The following ATG2B variants were observed in gnomAD, a reference collection of about 807,000 sequenced individuals.
ATG2B encodes autophagy related 2B, also known as autophagy-related protein 2 homolog B.
In ATG2B, 121 loss-of-function variants were observed where a neutral mutation model predicts 241.3. The ratio of observed to expected loss-of-function variants is 0.50; its 90% CI spans 0.43 to 0.58. The LOEUF is 0.58. Among genes scored for constraint, ATG2B ranks in the 20% least tolerant of loss-of-function variants. ATG2B has a pLI of 0.00. For synonymous variants in ATG2B, 858 were observed against 876.6 expected, an observed-to-expected ratio of 0.98 and a Z score of 0.37; for missense variants, 2,306 against 2,491.6, an observed-to-expected ratio of 0.93 and a Z score of 1.59.
At chr14:96,302,878 G>A (rs1436376679) in intron 33 of ATG2B, among the ~76,000 whole-genome samples, 183 bp downstream of exon 33, 1 of 152,150 alleles carries the variant, frequency 6.6e-6, no homozygotes, top group Non-Finnish European at 1.5e-5. Context: ...ATGGACCCTA[G>A]AAGTGACATG....
At chr14:96,343,947 C>A (rs1054024134) in intron 4 of ATG2B, among the ~76,000 whole-genome samples, 1 of 152,218 alleles carries the variant, frequency 6.6e-6, no homozygotes, top group African/African-American at 2.4e-5. Flanking sequence ...TAGAGACCCC[C>A]AGTAGATCCA....
intron 15 of ATG2B, among the ~76,000 whole-genome samples, 167 bp downstream of exon 15, chr14:96,325,482 C>G (rs1887564986): frequency 1.3e-5 from 2 of 152,086 alleles, no homozygotes; most frequent in Non-Finnish European, 2.9e-5. Flanking sequence ...TTACCTATAT[C>G]ACATATTTGC....
chr14:96,304,266 AAC>A (rs1416387787), intron 32 of ATG2B, among the ~76,000 whole-genome samples: 1 of 152,240 alleles, frequency 6.6e-6, no homozygotes, highest in African/African-American at 2.4e-5. Context: ...CAACTGTGAG[AAC>A]CACCGCTCTA....
At chr14:96,336,632 A>G (rs1887876178) in intron 6 of ATG2B, among the ~76,000 whole-genome samples, 1 of 152,230 alleles carries the variant, frequency 6.6e-6, no homozygotes, top group Non-Finnish European at 1.5e-5. Flanking sequence ...ACATAAATAT[A>G]AAAGCATACA....
In ATG2B at chr14:96,279,555, C is replaced by T. The variant is rs946425282; in HGVS notation, c.*6200G>A. On this transcript the variant is annotated 3_prime_UTR_variant, in exon 42 of 42. Coordinates refer to ENST00000359933, the MANE Select transcript of ATG2B (RefSeq NM_018036.7). ...TGGATCTACAGTATGCGGGGAGTGC[C>T]GCAAAGTTTAACAAACAAAAAAAAG... 5.3e-5 allele frequency: 8 copies of T among 152,108 alleles called. No homozygotes were observed. The highest frequency in any genetic ancestry group is 1.7e-4 in the African/African-American group (7 of 41,406). 9.4% of individuals were successfully genotyped at this position (152,108 alleles called of 1,614,324 possible).
chr14:96,322,582 T>C lies in ATG2B; in HGVS notation c.2694A>G (p.Pro898=), dbSNP rs1566725055. 6.2e-7 allele frequency: 1 copy of C among 1,613,040 alleles called. No individual in the cohort carries two copies. Among genetic ancestry groups the C allele is most frequent in the Non-Finnish European group, 8.5e-7 (1 of 1,179,762 alleles). The part of the protein sequence containing the change: ...KDVCDLRRPA[P]SPFSSRRVMF... Reference sequence around the variant, plus strand: ...TTACTCTACGAGAAGAAAAAGGAGATGGGGCTGGTCTTCTTAGATCACAAA... The same window carrying C: ...TTACTCTACGAGAAGAAAAAGGAGACGGGGCTGGTCTTCTTAGATCACAAA... The change falls in exon 17 of 42, where the codon CCA becomes CCG. Residue 898 remains proline (P), a synonymous_variant. Transcript: ENST00000359933.
At chr14:96,319,669 T>A (rs185590340) in intron 18 of ATG2B, among the ~76,000 whole-genome samples, 3 of 152,310 alleles carry the variant, frequency 2.0e-5, no homozygotes, top group Admixed American at 6.5e-5. Context: ...CGTATCCAGT[T>A]TAGCTTCCTG....
At position 96,327,470 on chromosome 14, in the gene ATG2B, G is replaced by C. The variant is rs567573233; in HGVS notation, c.2163+877C>G. Among the ~76,000 whole-genome samples, 7 of 152,200 alleles carry C rather than the reference G, an allele frequency of 4.6e-5. No homozygotes were observed. The South Asian group carries it at 1.4e-3, about 32-fold the overall frequency. On this transcript the variant is annotated intron_variant, in intron 14 of 41. Transcript: ENST00000359933. ...CCCCAGGCACCAGATGCAAGTAAAA[G>C]TGATATAATGTGATGTTCAATAGAT...
At chr14:96,332,214 G>GAA (rs67341952) in intron 10 of ATG2B, 91 bp downstream of exon 10, 2,522 of 817,538 alleles carry the variant, frequency 3.1e-3, no homozygotes, top group African/African-American at 3.3e-3. Context: ...GCCAAGACCA[G>GAA]AAAAAAAAAA....
In ATG2B at chr14:96,333,131, T is replaced by G. The variant is rs1887783929; in HGVS notation, c.1208-476A>C. ...CAAATGAAGTTTATTATGGCCAAAATTTTTTGAGTAGGGTTTGATTTCTTA... is the reference window on the plus strand; with the variant it reads ...CAAATGAAGTTTATTATGGCCAAAAGTTTTTGAGTAGGGTTTGATTTCTTA... On this transcript the variant is annotated intron_variant, in intron 8 of 41. Transcript: ENST00000359933. Among the ~76,000 whole-genome samples the G allele has an allele frequency of 5.9e-5, 9 of 152,134 alleles. No homozygotes were observed. In the South Asian group the frequency reaches 1.9e-3, roughly 31 times the overall value.
At position 96,295,528 on chromosome 14, in the gene ATG2B, T is replaced by G; in HGVS notation, c.5172A>C (p.Thr1724=). 7 of 1,606,700 alleles carry G rather than the reference T, an allele frequency of 4.4e-6. No individual in the cohort carries two copies. The South Asian group carries it at 7.8e-5, about 18-fold the overall frequency. The change falls in exon 35 of 42, where the codon ACA becomes ACC. Residue 1724 remains threonine (T), a synonymous_variant. Coordinates refer to ENST00000359933, the MANE Select transcript of ATG2B (RefSeq NM_018036.7). ...DALFFLKDFF[T]SLSAEVELQM... ...GAAGCTCTACTTCTGCAGAAAGACT[T>G]GTGAAGAAATCCTTCAGGAAGAACA...
chr14:96,327,957 A>G (rs916638758), intron 14 of ATG2B, among the ~76,000 whole-genome samples: 6 of 152,172 alleles, frequency 3.9e-5, no homozygotes, highest in African/African-American at 1.2e-4. Context: ...AGCTGAGATT[A>G]CAGGTGTGTG....
chr14:96,308,460 CTT>C (rs573746586), intron 29 of ATG2B, among the ~76,000 whole-genome samples: 71 of 115,588 alleles, frequency 6.1e-4, no homozygotes, highest in African/African-American at 7.5e-4. Context: ...CCACATCTAG[CTT>C]TTTTTTTTTT....
At position 96,313,088 on chromosome 14, in the gene ATG2B, C is replaced by T; in HGVS notation, c.3819G>A (p.Leu1273=). ...ETFSVSSSVA[L]DKSSSTLRII... ...ACCTGAGAGTAGAGGAAGATTTATC[C>T]AATGCAACGCTACTGGAAACACTGA... Residue 1273 remains leucine, a synonymous_variant, in exon 25 of 42, where the codon TTG becomes TTA. Coordinates refer to ENST00000359933, the MANE Select transcript of ATG2B (RefSeq NM_018036.7). 6.2e-7 allele frequency: 1 copy of T among 1,612,590 alleles called. No homozygotes were observed. Among genetic ancestry groups the T allele is most frequent in the Non-Finnish European group, 8.5e-7 (1 of 1,178,996 alleles).
chr14:96,312,099 ATT>A lies in ATG2B; in HGVS notation c.3901_3902del (p.Asn1301SerfsTer3). On this transcript the variant is annotated frameshift_variant, in exon 26 of 42. Coordinates refer to ENST00000359933, the MANE Select transcript of ATG2B (RefSeq NM_018036.7). LOFTEE classifies it high-confidence loss of function. ...TTTTTTAACTCTTACCTCTACTCAG[ATT>A]TATAGTGACAGTATTGCATTTGTCA... ...LSDKCNTVTINLSRDYVRVMD... is the reference protein window; with the variant it reads ...LSDKCNTVTIXLSRDYVRVMD... 4.4e-6 allele frequency: 7 copies of A among 1,605,140 alleles called. No homozygotes were observed. Among genetic ancestry groups the A allele is most frequent in the Non-Finnish European group, 5.9e-6 (7 of 1,176,732 alleles).
In ATG2B at chr14:96,289,730, G is replaced by A. The variant is rs146775079; in HGVS notation, c.5932C>T (p.Pro1978Ser). ...SIEPKKTKRF[P>S]HHRLAHQPVD... ...GGCTGGTGGGCTAACCGGTGATGAGGAAACCTTTTGGTCTTCTTGGGCTCG... is the reference window on the plus strand; with the variant it reads ...GGCTGGTGGGCTAACCGGTGATGAGAAAACCTTTTGGTCTTCTTGGGCTCG... Residue 1978 changes from proline to serine, a missense_variant, in exon 41 of 42, where the codon CCT becomes TCT. By Grantham distance (74) the Pro-to-Ser change is moderately conservative (BLOSUM62 -1). Around this residue, in one of 2 missense-constraint regions of ATG2B, gnomAD observed 379 missense variants for 480.4 expected, o/e 0.79. Transcript: ENST00000359933. This position sits in a 1 kb window ranked among gnomAD's most constrained non-coding sequence, Gnocchi z 4.3. 1.9e-5 allele frequency: 30 copies of A among 1,614,080 alleles called. No homozygotes were observed. The African/African-American group carries it at 2.4e-4, about 13-fold the overall frequency.
rs1273618101 is a variant in ATG2B at position 96,290,492 on chromosome 14, T to C, written c.5800A>G (p.Thr1934Ala). 6.2e-7 allele frequency: 1 copy of C among 1,614,104 alleles called. No homozygotes were observed. Among genetic ancestry groups the C allele is most frequent in the Non-Finnish European group, 8.5e-7 (1 of 1,180,054 alleles). ...GFQRGAASFG[T>A]STAMAALELT... ...TCTAGAGCAGCCATCGCTGTCGAGGTACCAAAGGAAGCAGCGCCTCTCTGA... is the reference window on the plus strand; with the variant it reads ...TCTAGAGCAGCCATCGCTGTCGAGGCACCAAAGGAAGCAGCGCCTCTCTGA... Residue 1934 changes from threonine (T) to alanine (A), a missense_variant, in exon 40 of 42, where the codon ACC becomes GCC. Around this residue, in one of 2 missense-constraint regions of ATG2B, gnomAD observed 379 missense variants for 480.4 expected, o/e 0.79. Transcript: ENST00000359933. This position sits in a 1 kb window ranked among gnomAD's most constrained non-coding sequence, Gnocchi z 4.4.
intron 1 of ATG2B, among the ~76,000 whole-genome samples, chr14:96,354,950 A>C (rs940458251): frequency 2.0e-5 from 3 of 152,080 alleles, no homozygotes; most frequent in African/African-American, 7.2e-5. Flanking sequence ...GTCTTTTCAG[A>C]AGTGTCTGTT....
rs373437785 is a variant in ATG2B, at chr14:96,362,908, G to T, written c.69C>A (p.Gly23=). 3.7e-6 allele frequency: 6 copies of T among 1,613,532 alleles called. No individual in the cohort carries two copies. The highest frequency in any genetic ancestry group is 5.1e-6 in the Non-Finnish European group (6 of 1,179,996). ...GGCTCAGCTTCTCCTGCAGAAAGTGGCCCAGGTACCTCTGCAGGAGGTACC... is the reference window on the plus strand; with the variant it reads ...GGCTCAGCTTCTCCTGCAGAAAGTGTCCCAGGTACCTCTGCAGGAGGTACC... ...ACRYLLQRYL[G]HFLQEKLSLE... The change falls in exon 1 of 42, where the codon GGC becomes GGA. Residue 23 remains glycine, a synonymous_variant. Coordinates refer to ENST00000359933, the MANE Select transcript of ATG2B (RefSeq NM_018036.7).
Sources: allele counts gnomAD v4.1 joint callset (sites outside exome capture counted in the v4.1 genomes callset), GRCh38; gene constraint gnomAD v4.1.1; regional missense constraint gnomAD v4.1.1; non-coding constraint Gnocchi (gnomAD v3.1); transcripts MANE v1.5; gene names NCBI Gene and HGNC (gene_info 2026-07-23, HGNC 2026-07-21).